SAMD5: variants seen among roughly 807,000 people sequenced by gnomAD.
SAMD5 encodes sterile alpha motif domain-containing protein 5.
In SAMD5, 13 loss-of-function variants were observed where a neutral mutation model predicts 11.3. That is an observed-to-expected ratio of 1.15 (90% CI 0.75 to 1.83). The LOEUF (loss-of-function observed/expected upper bound fraction) is 1.83, where lower values mean the gene tolerates loss of function less well. SAMD5 is among the 40% of genes most tolerant of loss of function. The probability of loss-of-function intolerance (pLI) is 0.00; values close to 1 mark genes in which losing one functional copy is unlikely to be tolerated. For missense variants in SAMD5, 255 were observed against 239.1 expected (o/e 1.07, Z -0.44); for synonymous variants, 129 against 111.3 (o/e 1.16, Z -1.00).
downstream of SAMD5, among the ~76,000 whole-genome samples, chr6:147,572,607 G>T (rs1789153451): frequency 1.3e-5 from 2 of 151,992 alleles, no homozygotes; most frequent in African/African-American, 4.8e-5. Flanking sequence ...TCCCAATGTT[G>T]CACTATTTGA....
the SAMD5 span, among the ~76,000 whole-genome samples, chr6:147,873,457 T>C: frequency 6.6e-6 from 1 of 152,126 alleles, no homozygotes; most frequent in Admixed American, 6.5e-5. Flanking sequence ...GATTTTTCAA[T>C]AGTCTAGGGT....
chr6:147,687,401 C>G (rs543947147), intron 1 of SAMD5, among the ~76,000 whole-genome samples: 1 of 151,074 alleles, frequency 6.6e-6, no homozygotes, highest in African/African-American at 2.4e-5. Flanking sequence ...CTCAGCCTCC[C>G]GAGTAGCTGG....
chr6:147,618,001 T>A (rs920753904), intron 1 of SAMD5, among the ~76,000 whole-genome samples: 1 of 152,248 alleles, frequency 6.6e-6, no homozygotes, highest in African/African-American at 2.4e-5. Flanking sequence ...GAGTGCCTAA[T>A]AAGAATGACA....
At chr6:147,825,091 G>A in the SAMD5 span, among the ~76,000 whole-genome samples, 1 of 152,142 alleles carries the variant, frequency 6.6e-6, no homozygotes, top group African/African-American at 2.4e-5. Context: ...GGTCACAGGA[G>A]TTCGAGACCA....
the SAMD5 span, among the ~76,000 whole-genome samples, chr6:147,913,377 T>C: frequency 2.0e-5 from 3 of 152,102 alleles, no homozygotes; most frequent in Non-Finnish European, 4.4e-5. Context: ...ATCAAACACA[T>C]ACATGAGGAA....
chr6:147,558,327 T>C (rs1362942533), intron 1 of SAMD5, among the ~76,000 whole-genome samples: 1 of 152,126 alleles, frequency 6.6e-6, no homozygotes, highest in Non-Finnish European at 1.5e-5. Flanking sequence ...ACCCACCATA[T>C]TTTAACGAAC....
chr6:147,871,827 G>A, the SAMD5 span, among the ~76,000 whole-genome samples: 3 of 152,112 alleles, frequency 2.0e-5, no homozygotes, highest in Non-Finnish European at 4.4e-5. Flanking sequence ...TTCCCCTACT[G>A]TAATTCCTGC....
chr6:147,599,920 G>A (rs142760868), intron 1 of SAMD5, among the ~76,000 whole-genome samples: 3 of 152,158 alleles, frequency 2.0e-5, no homozygotes, highest in African/African-American at 7.2e-5. Context: ...CCCAGTAGGT[G>A]TGTATGGGAC....
downstream of SAMD5, among the ~76,000 whole-genome samples, chr6:147,738,719 G>A (rs1791839192): frequency 6.6e-6 from 1 of 152,088 alleles, no homozygotes. Flanking sequence ...GTAATGCCTG[G>A]GATGAAAAAC....
intron 1 of SAMD5, among the ~76,000 whole-genome samples, chr6:147,638,366 A>AT (rs1790262666): frequency 6.6e-6 from 1 of 152,250 alleles, no homozygotes; most frequent in South Asian, 2.1e-4. Flanking sequence ...TAATAAAGGT[A>AT]TTTTTTCTGC....
chr6:147,897,262 G>C, the SAMD5 span, among the ~76,000 whole-genome samples: 15 of 152,236 alleles, frequency 9.9e-5, no homozygotes, highest in Admixed American at 9.8e-4. Flanking sequence ...CAAACTAGAG[G>C]GGGGAAAAGA....
intron 1 of SAMD5, among the ~76,000 whole-genome samples, chr6:147,539,274 C>CTAT (rs3031348): frequency 0.56 from 84,540 of 151,618 alleles, 23,882 homozygotes; most frequent in East Asian, 0.69. Context: ...TGTAATCAGC[C>CTAT]CCTTCACCGG....
chr6:147,676,951 C>T (rs906405147), intron 1 of SAMD5, among the ~76,000 whole-genome samples: 2 of 151,848 alleles, frequency 1.3e-5, no homozygotes, highest in African/African-American at 4.8e-5. Context: ...GGTGAGGGGC[C>T]AGATAAAAAT....
the SAMD5 span, among the ~76,000 whole-genome samples, chr6:147,774,177 G>A: frequency 6.6e-6 from 1 of 152,208 alleles, no homozygotes; most frequent in South Asian, 2.1e-4. Flanking sequence ...ACCCATTCAT[G>A]AGGGCTCTAC....
At chr6:147,665,279 G>T (rs1483146152) in intron 1 of SAMD5, among the ~76,000 whole-genome samples, 7 of 152,060 alleles carry the variant, frequency 4.6e-5, no homozygotes, top group African/African-American at 2.4e-5. Flanking sequence ...TAAATCCTAC[G>T]AGGTATCCTA....
downstream of SAMD5, among the ~76,000 whole-genome samples, chr6:147,571,485 G>A (rs1332584381): frequency 1.6e-5 from 2 of 124,658 alleles, no homozygotes; most frequent in Admixed American, 9.1e-5. Context: ...CCCGCACCCC[G>A]CCCCCCTGCC....
chr6:147,672,101 T>G (rs1303510663), intron 1 of SAMD5, among the ~76,000 whole-genome samples: 1 of 152,004 alleles, frequency 6.6e-6, no homozygotes, highest in Non-Finnish European at 1.5e-5. Flanking sequence ...TTACAGATTT[T>G]TATTTGTAGC....
intron 1 of SAMD5, among the ~76,000 whole-genome samples, chr6:147,539,126 A>T (rs1486023933): frequency 6.6e-6 from 1 of 152,220 alleles, no homozygotes; most frequent in Admixed American, 6.5e-5. Context: ...AGGCAAAGAC[A>T]GATCCCCAAA....
chr6:147,867,832 T>C, the SAMD5 span, among the ~76,000 whole-genome samples: 1 of 152,168 alleles, frequency 6.6e-6, no homozygotes, highest in East Asian at 1.9e-4. Context: ...CTTAAAAAAT[T>C]GGTGGCTGAA....
Sources: allele counts gnomAD v4.1 joint callset (sites outside exome capture counted in the v4.1 genomes callset), GRCh38; gene constraint gnomAD v4.1.1; transcripts MANE v1.5; gene names NCBI Gene and HGNC (gene_info 2026-07-23, HGNC 2026-07-21).